The following VWDE variants were observed in gnomAD, a reference collection of about 807,000 sequenced individuals.
VWDE encodes von Willebrand factor D and EGF domains, also known as von Willebrand factor D and EGF domain-containing protein.
In VWDE, 207 loss-of-function variants were observed where a neutral mutation model predicts 178.4. That is an observed-to-expected ratio of 1.16 (90% CI 1.04 to 1.30). The LOEUF (loss-of-function observed/expected upper bound fraction) is 1.30, where lower values mean the gene tolerates loss of function less well. Ranked by LOEUF, VWDE falls within the 50% of genes most tolerant of loss-of-function variation. The pLI, the probability that VWDE is intolerant of heterozygous loss-of-function variation, is 0.00. For missense variants in VWDE, 2,287 were observed against 1,901.3 expected (o/e 1.20, Z -3.77); for synonymous variants, 738 against 651.4 (o/e 1.13, Z -2.02).
intron 2 of VWDE, among the ~76,000 whole-genome samples, chr7:12,391,752 T>C (rs1385385535): frequency 6.6e-6 from 1 of 152,180 alleles, no homozygotes; most frequent in Non-Finnish European, 1.5e-5. Flanking sequence ...TCTTTTTACA[T>C]TAGTGCTTAA....
At chr7:12,347,300 C>T (rs1422648587) in intron 19 of VWDE, among the ~76,000 whole-genome samples, 1 of 151,956 alleles carries the variant, frequency 6.6e-6, no homozygotes, top group Non-Finnish European at 1.5e-5. Flanking sequence ...AACTGAAACT[C>T]CAGATTACAA....
chr7:12,403,665 C>G lies in VWDE; in HGVS notation c.52G>C (p.Gly18Arg). 1 of 1,545,432 alleles carries G rather than the reference C, an allele frequency of 6.5e-7. No individual in the cohort carries two copies. Among genetic ancestry groups the G allele is most frequent in the East Asian group, 2.4e-5 (1 of 40,870 alleles). Residue 18 changes from glycine (G) to arginine (R), a missense_variant, in exon 1 of 29, where the codon GGG becomes CGG. Transcript: ENST00000275358. The stretch of plus-strand genomic sequence containing the variant: ...CGCGCCCTACCTCGCTTACCTTCCC[C>G]CCAGGCCAGGAACATCAGCGCGATC... The part of the protein sequence containing the change: ...LVIALMFLAW[G>R]EAQECSPGGH...
At chr7:12,337,334 T>A in intron 24 of VWDE, 62 bp from the exon 25 acceptor site, 1 of 1,300,688 alleles carries the variant, frequency 7.7e-7, no homozygotes, top group Non-Finnish European at 1.1e-6. Flanking sequence ...ATATGATACA[T>A]TGCATCATGT....
At position 12,344,413 on chromosome 7, in the gene VWDE, T is replaced by C; in HGVS notation, c.3943A>G (p.Lys1315Glu). 6.4e-7 allele frequency: 1 copy of C among 1,551,038 alleles called. No homozygotes were observed. The change falls in exon 20 of 29, where the codon AAA becomes GAA. Residue 1315 changes from lysine (K) to glutamate (E), a missense_variant. Physicochemically the swap from Lys to Glu is moderately conservative, Grantham distance 56. Coordinates refer to ENST00000275358, the MANE Select transcript of VWDE (RefSeq NM_001135924.3). ...SRECVAPNIC[K>E]CKPGYIGSNC... ...GAACCAATGTAACCAGGTTTACATT[T>C]GCAGATGTTTGGGGCAACACACTCC...
intron 24 of VWDE, 63 bp from the exon 25 acceptor site, chr7:12,337,335 T>C (rs1181534860): frequency 2.3e-6 from 3 of 1,316,386 alleles, no homozygotes; most frequent in Non-Finnish European, 3.2e-6. Context: ...TATGATACAT[T>C]GCATCATGTG....
Position 12,361,295 on chromosome 7 carries a change from T to C in VWDE, c.3055-44A>G, listed in dbSNP as rs901762501. 3 of 1,535,978 alleles carry C rather than the reference T, an allele frequency of 2.0e-6. No homozygotes were observed. The East Asian group carries it at 7.4e-5, about 38-fold the overall frequency. On this transcript the variant is annotated intron_variant, in intron 14 of 28. Coordinates refer to ENST00000275358, the MANE Select transcript of VWDE (RefSeq NM_001135924.3). ...ATAATAAGATGATTTGTTCTAAATGTTCTAAATTCATTATGAAATGTTAAG... is the reference window on the plus strand; with the variant it reads ...ATAATAAGATGATTTGTTCTAAATGCTCTAAATTCATTATGAAATGTTAAG...
chr7:12,381,189 G>C (rs185763500), intron 4 of VWDE, among the ~76,000 whole-genome samples: 1 of 152,142 alleles, frequency 6.6e-6, no homozygotes, highest in Admixed American at 6.6e-5. Flanking sequence ...TGGGCTGAAA[G>C]AGTTATTCAT....
In VWDE at chr7:12,342,031, T is replaced by C. The variant is rs914087951; in HGVS notation, c.4270+28A>G. 2.4e-5 allele frequency: 37 copies of C among 1,516,428 alleles called. No homozygotes were observed. The African/African-American group carries it at 4.6e-4, about 19-fold the overall frequency. 93.9% of individuals were successfully genotyped at this position (1,516,428 alleles called of 1,614,324 possible). A position where few individuals can be genotyped will look rare whatever the true frequency, so the allele number is the denominator to read the frequency against. On this transcript the variant is annotated intron_variant, in intron 23 of 28. Coordinates refer to ENST00000275358, the MANE Select transcript of VWDE (RefSeq NM_001135924.3). ...GGCATATTTTAACTTTTAATTGACA[T>C]GTTCATTGAAAATATTTCCAATTTT...
chr7:12,367,249 A>T, intron 13 of VWDE, 108 bp downstream of exon 13: 1 of 826,356 alleles, frequency 1.2e-6, no homozygotes, highest in Non-Finnish European at 1.7e-6. Flanking sequence ...TCTAGATATA[A>T]TATCGTTTGG....
chr7:12,379,400 C>A, intron 6 of VWDE, 77 bp downstream of exon 6: 1 of 993,014 alleles, frequency 1.0e-6, no homozygotes. Flanking sequence ...GTACAGAAAC[C>A]AGCATGGACA....
chr7:12,393,818 G>T, intron 1 of VWDE, 40 bp from the exon 2 acceptor site: 1 of 1,478,112 alleles, frequency 6.8e-7, no homozygotes, highest in Non-Finnish European at 9.0e-7. Flanking sequence ...AATGTGTTTT[G>T]TTTGTTGACA....
At chr7:12,348,071 A>G (rs941080817) in intron 19 of VWDE, among the ~76,000 whole-genome samples, 6 of 152,168 alleles carry the variant, frequency 3.9e-5, no homozygotes, top group African/African-American at 1.4e-4. Context: ...ACAAAAATCA[A>G]TTCAAGATGG....
At chr7:12,332,694 T>C (rs943830733) in intron 28 of VWDE, among the ~76,000 whole-genome samples, 3 of 152,144 alleles carry the variant, frequency 2.0e-5, no homozygotes, top group African/African-American at 7.2e-5. Flanking sequence ...CCTATTATGA[T>C]CTGGTTATTT....
intron 10 of VWDE, among the ~76,000 whole-genome samples, chr7:12,372,775 T>A (rs1393874939): frequency 6.6e-6 from 1 of 152,092 alleles, no homozygotes; most frequent in Non-Finnish European, 1.5e-5. Flanking sequence ...ATAAGGCAGT[T>A]TAGATTTTAC....
chr7:12,403,633 AC>A, intron 1 of VWDE, 25 bp downstream of exon 1: 1 of 1,531,344 alleles, frequency 6.5e-7, no homozygotes. Flanking sequence ...CTGCGCGCCC[AC>A]CCCCGCGCGC....
intron 18 of VWDE, among the ~76,000 whole-genome samples, chr7:12,355,199 G>A (rs1782161589): frequency 6.6e-6 from 1 of 152,030 alleles, no homozygotes; most frequent in African/African-American, 2.4e-5. Context: ...GGCGGATCAC[G>A]AGGTCAGGAG....
chr7:12,393,844 T>C, intron 1 of VWDE, 66 bp from the exon 2 acceptor site: 1 of 1,333,708 alleles, frequency 7.5e-7, no homozygotes, highest in South Asian at 1.8e-5. Flanking sequence ...CGGTCCTCAA[T>C]TAAAATTGAT....
At chr7:12,350,631 C>T (rs966084646) in intron 19 of VWDE, among the ~76,000 whole-genome samples, 4 of 152,024 alleles carry the variant, frequency 2.6e-5, no homozygotes, top group Admixed American at 6.6e-5. Context: ...ACAATGAGAG[C>T]GTAAGTTTGA....
At chr7:12,378,131 G>C (rs1328375143) in intron 6 of VWDE, among the ~76,000 whole-genome samples, 2 of 152,134 alleles carry the variant, frequency 1.3e-5, no homozygotes, top group East Asian at 3.9e-4. Flanking sequence ...ACTGCTCTGA[G>C]TTTGACTCAC....
Sources: gnomAD v4.1 joint callset for allele counts (sites outside exome capture counted in the v4.1 genomes callset) on GRCh38, gnomAD v4.1.1 for gene constraint, MANE v1.5 for transcripts, NCBI Gene and HGNC (gene_info 2026-07-23, HGNC 2026-07-21) for gene names.